Variants in IPO7 observed in about 807,000 individuals in gnomAD.
The protein encoded by IPO7 is importin-7.
IPO7 carries 13 observed loss-of-function variants against 136.4 expected under a neutral mutation model. The observed-to-expected ratio is 0.10, with a 90% CI of 0.06 to 0.15. The LOEUF (loss-of-function observed/expected upper bound fraction) is 0.15. Among genes scored for constraint, IPO7 ranks in the 10% least tolerant of loss-of-function variants. The pLI, the probability that IPO7 is intolerant of heterozygous loss-of-function variation, is 1.00. For missense variants in IPO7, 857 were observed against 1,240.6 expected, an observed-to-expected ratio of 0.69 and a Z score of 4.65; for synonymous variants, 403 against 404.4, an observed-to-expected ratio of 1.00 and a Z score of 0.04.
intron 1 of IPO7, chr11:9,392,171 C>CTTTTTTTT (rs59866244): frequency 8.4e-4 from 155 of 185,120 alleles, no homozygotes; most frequent in Middle Eastern, 4.5e-3. Flanking sequence ...TTGTCAAATT[C>CTTTTTTTT]TTTTTTTTTT....
intron 1 of IPO7, among the ~76,000 whole-genome samples, chr11:9,399,957 T>G (rs1564992773): frequency 7.9e-5 from 12 of 152,128 alleles, no homozygotes. Flanking sequence ...TACACACTTT[T>G]CCCTTGGTAA....
chr11:9,389,689 G>A (rs1348018716), intron 1 of IPO7, among the ~76,000 whole-genome samples: 1 of 152,100 alleles, frequency 6.6e-6, no homozygotes, highest in Non-Finnish European at 1.5e-5. Context: ...GGAATTAGAG[G>A]GTTTACCCAG....
At chr11:9,401,318 T>C (rs1293365320) in intron 1 of IPO7, among the ~76,000 whole-genome samples, 1 of 152,066 alleles carries the variant, frequency 6.6e-6, no homozygotes, top group Admixed American at 6.6e-5. Flanking sequence ...ACAGAAAATA[T>C]AGAAGAAGGG....
rs745436532 is a variant in IPO7, at chr11:9,437,809, C to T, written c.2324C>T (p.Thr775Ile). 6.2e-7 allele frequency: 1 copy of T among 1,614,120 alleles called. No individual in the cohort carries two copies. Among genetic ancestry groups the T allele is most frequent in the Non-Finnish European group, 8.5e-7 (1 of 1,179,978 alleles). Residue 775 changes from threonine (T) to isoleucine (I), a missense_variant, in exon 21 of 25, where the codon ACA (threonine) becomes ATA (isoleucine). Physicochemically the swap from Thr to Ile is moderately conservative, Grantham distance 89 (BLOSUM62 -1). Around this residue, in one of 11 missense-constraint regions of IPO7, gnomAD observed 190 missense variants for 249.0 expected, o/e 0.76. Transcript: ENST00000379719. ...GAAAGACTGACAAGAGAGGTTAAGA[C>T]AAGTGAACTTCGAACTATGTGTCTG... The part of the protein sequence containing the change: ...ALERLTREVK[T>I]SELRTMCLQV...
intron 6 of IPO7, among the ~76,000 whole-genome samples, chr11:9,418,497 G>T (rs899047640): frequency 3.9e-5 from 6 of 151,968 alleles, no homozygotes; most frequent in African/African-American, 1.4e-4. Context: ...ATTGTTAATC[G>T]CATAAGTGAG....
chr11:9,445,382 TG>T lies in IPO7; in HGVS notation c.*193del. 3 of 130,322 alleles carry T rather than the reference TG, an allele frequency of 2.3e-5. No individual in the cohort carries two copies. Among genetic ancestry groups the T allele is most frequent in the Non-Finnish European group, 4.8e-5 (3 of 61,974 alleles). 8.1% of individuals were successfully genotyped at this position (130,322 alleles called of 1,614,324 possible). On this transcript the variant is annotated 3_prime_UTR_variant, in exon 25 of 25. Coordinates refer to ENST00000379719, the MANE Select transcript of IPO7 (RefSeq NM_006391.3). ...ACTGGAAAAGAAATCAGCGGGATTT[TG>T]GGGGTGGGGGGGGATGGGAGGTACC...
chr11:9,423,907 AAAT>A (rs776222733), intron 10 of IPO7, 31 bp downstream of exon 10: 1 of 1,283,436 alleles, frequency 7.8e-7, no homozygotes, highest in South Asian at 1.2e-5. Flanking sequence ...TAGAAACAAA[AAAT>A]GTCAGTAATT....
chr11:9,442,588 T>A (rs530961130), intron 24 of IPO7, among the ~76,000 whole-genome samples: 1 of 152,246 alleles, frequency 6.6e-6, no homozygotes, highest in East Asian at 2.0e-4. Flanking sequence ...TAATTTTTTG[T>A]ATTTTTAGTA....
At chr11:9,405,767 C>T (rs1456303201) in intron 2 of IPO7, among the ~76,000 whole-genome samples, 2 of 152,172 alleles carry the variant, frequency 1.3e-5, no homozygotes, top group East Asian at 1.9e-4. Flanking sequence ...TGACTGAACT[C>T]CCTGGTCAGC....
In IPO7 at chr11:9,447,041, T is replaced by C. The variant is rs879094514; in HGVS notation, c.*1847T>C. On this transcript the variant is annotated 3_prime_UTR_variant, in exon 25 of 25. Transcript: ENST00000379719. ...TATAAAGTCAATAAAAATGAAGTAGTTGTATATATGCAACATTGTGTACAG... is the reference window on the plus strand; with the variant it reads ...TATAAAGTCAATAAAAATGAAGTAGCTGTATATATGCAACATTGTGTACAG... 4 of 152,198 alleles carry C rather than the reference T, an allele frequency of 2.6e-5. No individual in the cohort carries two copies. Among genetic ancestry groups the C allele is most frequent in the Admixed American group, 2.6e-4 (4 of 15,282 alleles). The allele number at this position is 152,198 out of a possible 1,614,324, so 9.4% of individuals were successfully genotyped here.
intron 1 of IPO7, among the ~76,000 whole-genome samples, chr11:9,395,458 CT>C (rs962350252): frequency 2.6e-5 from 4 of 152,012 alleles, no homozygotes; most frequent in Non-Finnish European, 5.9e-5. Context: ...CCAGGCTGGT[CT>C]TGAACTCCTG....
chr11:9,391,682 C>T (rs964738635), intron 1 of IPO7, among the ~76,000 whole-genome samples: 1 of 152,070 alleles, frequency 6.6e-6, no homozygotes, highest in Non-Finnish European at 1.5e-5. Context: ...CCAGCCTGGG[C>T]GACAGCAAGA....
At chr11:9,389,907 C>T (rs1854604499) in intron 1 of IPO7, among the ~76,000 whole-genome samples, 1 of 152,158 alleles carries the variant, frequency 6.6e-6, no homozygotes. Context: ...AAGGAATGCA[C>T]CACCACACAC....
At chr11:9,410,934 G>C (rs1427964072) in intron 4 of IPO7, among the ~76,000 whole-genome samples, 2 of 152,090 alleles carry the variant, frequency 1.3e-5, no homozygotes, top group African/African-American at 4.8e-5. Context: ...TACCCTCTTT[G>C]GGTCCCATCT....
At chr11:9,417,955 C>T (rs1350481353) in intron 6 of IPO7, among the ~76,000 whole-genome samples, 7 of 151,932 alleles carry the variant, frequency 4.6e-5, no homozygotes, top group Non-Finnish European at 8.8e-5. Flanking sequence ...TCAGGTGATC[C>T]GCCCACCTTG....
At chr11:9,389,918 G>A (rs539905488) in intron 1 of IPO7, among the ~76,000 whole-genome samples, 23 of 152,160 alleles carry the variant, frequency 1.5e-4, no homozygotes, top group African/African-American at 5.3e-4. Flanking sequence ...CACCACACAC[G>A]GCTAATTTTT....
chr11:9,426,710 A>T (rs1363672891), intron 12 of IPO7, among the ~76,000 whole-genome samples: 5 of 152,044 alleles, frequency 3.3e-5, no homozygotes, highest in Admixed American at 6.6e-5. Flanking sequence ...TTCTTTAGAG[A>T]ATATCTATTC....
chr11:9,442,581 T>G (rs954783325), intron 24 of IPO7, among the ~76,000 whole-genome samples: 1 of 152,026 alleles, frequency 6.6e-6, no homozygotes, highest in Non-Finnish European at 1.5e-5. Context: ...ACCTGGCTAA[T>G]TTTTTGTATT....
intron 1 of IPO7, among the ~76,000 whole-genome samples, chr11:9,388,332 C>T (rs1206086623): frequency 6.6e-6 from 1 of 151,296 alleles, no homozygotes; most frequent in East Asian, 2.0e-4. Context: ...CGTTTGCCAC[C>T]ACACCTGGCT....
Sources: allele counts gnomAD v4.1 joint callset (sites outside exome capture counted in the v4.1 genomes callset), GRCh38; gene constraint gnomAD v4.1.1; regional missense constraint gnomAD v4.1.1; transcripts MANE v1.5; gene names NCBI Gene and HGNC (gene_info 2026-07-23, HGNC 2026-07-21).